NKIRAS2: variants seen among roughly 807,000 people sequenced by gnomAD.
The protein encoded by NKIRAS2 is NF-kappa-B inhibitor-interacting Ras-like protein 2.
Under a neutral mutation model 20.7 loss-of-function variants are expected in NKIRAS2, and 15 were observed. The observed-to-expected ratio is 0.73, with a 90% CI of 0.49 to 1.12. NKIRAS2 has a LOEUF of 1.12. Ranked by LOEUF, NKIRAS2 falls within the 50% of genes most tolerant of loss-of-function variation. The pLI is 0.00. For synonymous variants in NKIRAS2, 116 were observed against 101.4 expected (o/e 1.14, Z -0.87); for missense variants, 196 against 249.6 (o/e 0.79, Z 1.45).
At position 42,022,396 on chromosome 17, in the gene NKIRAS2, C is replaced by G; in HGVS notation, c.95-3C>G. On this transcript the variant is annotated splice_region_variant and splice_polypyrimidine_tract_variant and intron_variant, in intron 2 of 3. Coordinates refer to ENST00000393885, the MANE Select transcript of NKIRAS2 (RefSeq NM_017595.6). The stretch of plus-strand genomic sequence containing the variant: ...TTCAGACAGTTTTCTCATTTTATAC[C>G]AGGTTCGGAGATGATCGAGACGCAG... The G allele has an allele frequency of 6.4e-7, 1 of 1,567,612 alleles. No individual in the cohort carries two copies. The highest frequency in any genetic ancestry group is 8.7e-7 in the Non-Finnish European group (1 of 1,152,062).
At chr17:42,018,583 A>G (rs2052368904), upstream of NKIRAS2, 1 of 152,196 alleles carries the variant, frequency 6.6e-6, no homozygotes, top group South Asian at 2.1e-4. Context: ...CGTTGAGCCA[A>G]TCACTCAGCC....
Position 42,023,788 on chromosome 17 carries a change from C to T in NKIRAS2, c.471C>T (p.Leu157=), listed in dbSNP as rs2052514961. 6.2e-7 allele frequency: 1 copy of T among 1,614,156 alleles called. No individual in the cohort carries two copies. ...WEVSVADRRS[L]LEPFVYLASK... ...TGTCAGTGGCGGACCGGCGCTCCCT[C>T]CTGGAGCCCTTTGTCTACTTGGCCA... The change falls in exon 4 of 4, where the codon CTC becomes CTT. Residue 157 remains leucine (L), a synonymous_variant. Coordinates refer to ENST00000393885, the MANE Select transcript of NKIRAS2 (RefSeq NM_017595.6).
In NKIRAS2 at chr17:42,023,707, A is replaced by T. The variant is rs1045563402; in HGVS notation, c.390A>T (p.Val130=). 2 of 1,614,160 alleles carry T rather than the reference A, an allele frequency of 1.2e-6. No individual in the cohort carries two copies. Among genetic ancestry groups the T allele is most frequent in the Admixed American group, 3.3e-5 (2 of 60,012 alleles). ...GTGACTTACAGGAGCAGCGGCGTGT[A>T]GACCCAGATGTGGCTCAGCACTGGG... ...NKCDLQEQRR[V]DPDVAQHWAK... Residue 130 remains valine, a synonymous_variant, in exon 4 of 4, where the codon GTA becomes GTT. Transcript: ENST00000393885.
chr17:42,019,969 T>C (rs1555652704), upstream of NKIRAS2: 1 of 152,252 alleles, frequency 6.6e-6, no homozygotes. Context: ...CCAGGCCAGG[T>C]CCTGGCCGTC....
At position 42,025,360 on chromosome 17, in the gene NKIRAS2, C is replaced by T. The variant is rs1179950998; in HGVS notation, c.*1467C>T. 2 of 152,726 alleles carry T rather than the reference C, an allele frequency of 1.3e-5. No individual in the cohort carries two copies. Among genetic ancestry groups the T allele is most frequent in the Non-Finnish European group, 2.9e-5 (2 of 68,152 alleles). 9.5% of individuals were successfully genotyped at this position (152,726 alleles called of 1,614,324 possible). A position where few individuals can be genotyped will look rare whatever the true frequency, so the allele number is the denominator to read the frequency against. On this transcript the variant is annotated 3_prime_UTR_variant, in exon 4 of 4. Transcript: ENST00000393885. ...AGCAGCCTCTCAGGAGCTGACAGGT[C>T]CTCTTTCGGGGCTCAGGAGGGTGGG...
chr17:42,021,595 G>C lies in NKIRAS2; in HGVS notation c.18G>C (p.Lys6Asn). 6.2e-7 allele frequency: 1 copy of C among 1,614,204 alleles called. No individual in the cohort carries two copies. The highest frequency in any genetic ancestry group is 8.5e-7 in the Non-Finnish European group (1 of 1,180,014). MGKSCKVVVCGQASVG... is the reference protein window; with the variant it reads MGKSCNVVVCGQASVG... ...AACTAAGCATGGGGAAGAGCTGCAA[G>C]GTGGTCGTGTGTGGCCAGGCGTCTG... Residue 6 changes from lysine to asparagine, a missense_variant, in exon 2 of 4, where the codon AAG becomes AAC. Coordinates refer to ENST00000393885, the MANE Select transcript of NKIRAS2 (RefSeq NM_017595.6).
intron 1 of NKIRAS2, 153 bp from the exon 2 acceptor site, chr17:42,021,411 C>G (rs1312570603): frequency 9.5e-6 from 6 of 630,110 alleles, no homozygotes; most frequent in South Asian, 7.4e-5. Context: ...CAGTTTAGAA[C>G]TATACATTCA....
intron 2 of NKIRAS2, chr17:42,021,879 A>T: frequency 1.4e-6 from 1 of 737,062 alleles, no homozygotes; most frequent in Non-Finnish European, 2.5e-6. Context: ...AGAAGCTGTC[A>T]TGTCACACTT....
Position 42,021,609 on chromosome 17 carries a change from G to T in NKIRAS2, c.32G>T (p.Gly11Val). ...AAGAGCTGCAAGGTGGTCGTGTGTG[G>T]CCAGGCGTCTGTGGGCAAAACTTCA... is the stretch of plus-strand genomic sequence containing the variant. MGKSCKVVVC[G>V]QASVGKTSIL... Residue 11 changes from glycine (G) to valine (V), a missense_variant, in exon 2 of 4, where the codon GGC becomes GTC. Coordinates refer to ENST00000393885, the MANE Select transcript of NKIRAS2 (RefSeq NM_017595.6). 1.9e-6 allele frequency: 3 copies of T among 1,614,166 alleles called. No individual in the cohort carries two copies. The East Asian group carries it at 6.7e-5, about 36-fold the overall frequency.
At chr17:42,020,894 C>T (rs1162568769) in intron 1 of NKIRAS2, 1 of 152,344 alleles carries the variant, frequency 6.6e-6, no homozygotes, top group Non-Finnish European at 1.5e-5. Flanking sequence ...CGCCACCACG[C>T]CTGACTAATT....
chr17:42,021,301 G>A (rs2052441730), intron 1 of NKIRAS2: 3 of 390,830 alleles, frequency 7.7e-6, no homozygotes, highest in Non-Finnish European at 1.5e-5. Context: ...GGATAACAAA[G>A]ACGAATAAAA....
At chr17:42,022,372 T>G in intron 2 of NKIRAS2, 27 bp from the exon 3 acceptor site, 1 of 1,550,704 alleles carries the variant, frequency 6.4e-7, no homozygotes, top group Non-Finnish European at 8.7e-7. Flanking sequence ...TCTCTCCACT[T>G]CAGACAGTTT....
In NKIRAS2 at chr17:42,022,619, CA is replaced by C; in HGVS notation, c.318del (p.Lys106AsnfsTer25). 6 of 1,613,472 alleles carry C rather than the reference CA, an allele frequency of 3.7e-6. No homozygotes were observed. Among genetic ancestry groups the C allele is most frequent in the Non-Finnish European group, 5.1e-6 (6 of 1,179,552 alleles). ...TGGAGCTGCTCAAGAAGGAGATTGACAAATCCAAGGACAAGAAGGAGGTGTG... is the reference window on the plus strand; with the variant it reads ...TGGAGCTGCTCAAGAAGGAGATTGACAATCCAAGGACAAGAAGGAGGTGTG... ...RVELLKKEIDKSKDKKEVTIV... is the reference protein window; with the variant it reads ...RVELLKKEIDXSKDKKEVTIV... On this transcript the variant is annotated frameshift_variant, in exon 3 of 4. Transcript: ENST00000393885. LOFTEE classifies it high-confidence loss of function.
chr17:42,021,330 T>C, intron 1 of NKIRAS2: 1 of 474,192 alleles, frequency 2.1e-6, no homozygotes, highest in Non-Finnish European at 3.9e-6. Context: ...TACCATCCAG[T>C]AGTAGACATG....
chr17:42,019,655 C>T (rs1246138204), upstream of NKIRAS2, among the ~76,000 whole-genome samples: 2 of 152,160 alleles, frequency 1.3e-5, no homozygotes, highest in African/African-American at 4.8e-5. Context: ...GCTGACTCAA[C>T]GTTAAATGCC....
chr17:42,022,098 A>C, intron 2 of NKIRAS2: 1 of 431,988 alleles, frequency 2.3e-6, no homozygotes, highest in Non-Finnish European at 4.4e-6. Context: ...AATCCCAGCT[A>C]TTCGGGAGGC....
upstream of NKIRAS2, chr17:42,018,416 A>G (rs1487245564): frequency 6.6e-6 from 1 of 152,214 alleles, no homozygotes; most frequent in Non-Finnish European, 1.5e-5. Context: ...GAAGAGGGCA[A>G]AGGAATTTTA....
chr17:42,018,971 A>G (rs2052379010), upstream of NKIRAS2, among the ~76,000 whole-genome samples: 1 of 152,200 alleles, frequency 6.6e-6, no homozygotes, highest in Non-Finnish European at 1.5e-5. Context: ...ATCTTTCCTA[A>G]ATTCCGTATC....
At chr17:42,019,016 T>C (rs1334875026), upstream of NKIRAS2, among the ~76,000 whole-genome samples, 1 of 152,260 alleles carries the variant, frequency 6.6e-6, no homozygotes, top group African/African-American at 2.4e-5. Flanking sequence ...CACTCTTGGC[T>C]TCCAATTTGT....
Sources: allele counts gnomAD v4.1 joint callset (sites outside exome capture counted in the v4.1 genomes callset), GRCh38; gene constraint gnomAD v4.1.1; transcripts MANE v1.5; gene names NCBI Gene and HGNC (gene_info 2026-07-23, HGNC 2026-07-21).